Variants in MTRF1 observed in about 807,000 individuals in gnomAD.
MTRF1 encodes mitochondrial translation release factor 1, also known as peptide chain release factor 1, mitochondrial.
MTRF1 carries 51 observed loss-of-function variants against 62.9 expected under a neutral mutation model. The ratio of observed to expected loss-of-function variants is 0.81; its 90% confidence interval spans 0.65 to 1.02. The LOEUF (loss-of-function observed/expected upper bound fraction) is 1.02. MTRF1 is among the 50% of genes least tolerant of loss of function. MTRF1 has a pLI of 0.00. For synonymous variants in MTRF1, 158 were observed against 181.9 expected (o/e 0.87, Z 1.06); for missense variants, 446 against 530.0 (o/e 0.84, Z 1.56).
rs1244272126 is a variant in MTRF1 at position 41,261,017 on chromosome 13, C to T, written c.-8-102G>A. ...CAAGAAATCTTGTTTCATCTACTGC[C>T]TCAGCCAGCTCCACAGTCTTAAAAT... is the stretch of plus-strand genomic sequence containing the variant. On this transcript the variant is annotated intron_variant, in intron 1 of 9. Coordinates refer to ENST00000379480, the MANE Select transcript of MTRF1 (RefSeq NM_004294.4). 4 of 1,075,248 alleles carry T rather than the reference C, an allele frequency of 3.7e-6. No individual in the cohort carries two copies. The East Asian group carries it at 1.0e-4, about 28-fold the overall frequency. 66.6% of individuals were successfully genotyped at this position (1,075,248 alleles called of 1,614,324 possible). A position where few individuals can be genotyped will look rare whatever the true frequency, so the allele number is the denominator to read the frequency against.
the MTRF1 span, among the ~76,000 whole-genome samples, chr13:41,289,133 A>T: frequency 2.0e-4 from 31 of 151,896 alleles, no homozygotes; most frequent in Middle Eastern, 3.4e-3. Flanking sequence ...GCAAAAATTT[A>T]AAAAAAAATA....
At chr13:41,276,059 T>A in the MTRF1 span, among the ~76,000 whole-genome samples, 13 of 152,162 alleles carry the variant, frequency 8.5e-5, no homozygotes, top group Admixed American at 8.5e-4. Context: ...TAAAGGCAGT[T>A]TACATAACAG....
At chr13:41,266,574 A>G (rs1257867759), upstream of MTRF1, among the ~76,000 whole-genome samples, 1 of 152,178 alleles carries the variant, frequency 6.6e-6, no homozygotes, top group African/African-American at 2.4e-5. Flanking sequence ...GTGCCACCTC[A>G]CCCCAGCCTG....
At position 41,226,479 on chromosome 13, in the gene MTRF1, T is replaced by G; in HGVS notation, c.1078A>C (p.Ile360Leu). The change falls in exon 8 of 10, where the codon ATT (isoleucine) becomes CTT (leucine). Residue 360 changes from isoleucine (I) to leucine (L), a missense_variant. Coordinates refer to ENST00000379480, the MANE Select transcript of MTRF1 (RefSeq NM_004294.4). ...TGCTGACGCTTGTCTTTCTCAATAA[T>G]CTGCTGGTAGAGTCTAGCTCTCAAC... ...RVLRARLYQQ[I>L]IEKDKRQQQS... is the part of the protein sequence containing the mutation. The G allele has an allele frequency of 6.2e-7, 1 of 1,613,574 alleles. No homozygotes were observed. The highest frequency in any genetic ancestry group is 1.7e-4 in the Middle Eastern group (1 of 6,056).
chr13:41,264,142 G>C (rs1473497131), upstream of MTRF1, among the ~76,000 whole-genome samples: 1 of 152,096 alleles, frequency 6.6e-6, no homozygotes, highest in Non-Finnish European at 1.5e-5. Flanking sequence ...AAGATTCTGC[G>C]TGTAATTTCT....
the MTRF1 span, among the ~76,000 whole-genome samples, chr13:41,273,284 CCACTG>C: frequency 6.6e-6 from 1 of 151,414 alleles, no homozygotes; most frequent in Non-Finnish European, 1.5e-5. Context: ...CGAGATCGCG[CCACTG>C]CACTCCAGCC....
chr13:41,291,861 G>C, the MTRF1 span, among the ~76,000 whole-genome samples: 1 of 152,026 alleles, frequency 6.6e-6, no homozygotes, highest in South Asian at 2.1e-4. Context: ...GTCTTCCACT[G>C]TCATTGGTAA....
At chr13:41,310,429 C>T in the MTRF1 span, among the ~76,000 whole-genome samples, 3 of 152,134 alleles carry the variant, frequency 2.0e-5, no homozygotes, top group African/African-American at 4.8e-5. Flanking sequence ...CCAGCACTTT[C>T]GGAGGTTGAC....
chr13:41,225,964 C>G (rs2034350468), intron 8 of MTRF1, among the ~76,000 whole-genome samples: 1 of 151,566 alleles, frequency 6.6e-6, no homozygotes, highest in African/African-American at 2.4e-5. Flanking sequence ...CCAAATGGTA[C>G]ATAATGAAAA....
chr13:41,227,957 C>T (rs1387561690), intron 7 of MTRF1, among the ~76,000 whole-genome samples: 4 of 152,202 alleles, frequency 2.6e-5, no homozygotes, highest in Non-Finnish European at 4.4e-5. Context: ...GTTTTCTTGA[C>T]TCTCGTATCC....
At chr13:41,227,887 C>A (rs564535978) in intron 7 of MTRF1, among the ~76,000 whole-genome samples, 5 of 152,224 alleles carry the variant, frequency 3.3e-5, no homozygotes, top group African/African-American at 1.2e-4. Context: ...TGCTTTACTG[C>A]AGCCATCTGG....
At chr13:41,263,138 T>A (rs1049565166) in intron 1 of MTRF1, 1 of 526,944 alleles carries the variant, frequency 1.9e-6, no homozygotes, top group East Asian at 6.9e-5. Flanking sequence ...ATGACAAATA[T>A]ATGTTTGTAC....
intron 7 of MTRF1, among the ~76,000 whole-genome samples, chr13:41,232,385 C>T (rs2035754841): frequency 6.6e-6 from 1 of 151,924 alleles, no homozygotes; most frequent in African/African-American, 2.4e-5. Context: ...TAATATCTAA[C>T]TAATAGAAAT....
chr13:41,248,317 T>C (rs1385197750), intron 5 of MTRF1, among the ~76,000 whole-genome samples: 3 of 152,248 alleles, frequency 2.0e-5, no homozygotes, highest in African/African-American at 7.2e-5. Context: ...AAACGGGGTT[T>C]TGCCATGTTG....
chr13:41,270,703 A>T, the MTRF1 span, among the ~76,000 whole-genome samples: 1 of 151,962 alleles, frequency 6.6e-6, no homozygotes, highest in East Asian at 1.9e-4. Flanking sequence ...ACATAAAACT[A>T]TATAAATTAT....
upstream of MTRF1, among the ~76,000 whole-genome samples, chr13:41,263,832 G>A (rs1359147683): frequency 1.3e-5 from 2 of 152,110 alleles, no homozygotes; most frequent in African/African-American, 2.4e-5. Context: ...GAGGGGCCAA[G>A]GTGGGACTAA....
intron 5 of MTRF1, among the ~76,000 whole-genome samples, chr13:41,241,467 G>A (rs1373425155): frequency 1.3e-5 from 2 of 152,072 alleles, no homozygotes; most frequent in Admixed American, 6.6e-5. Context: ...GAAAAAGAAC[G>A]GTGCTAGTCA....
chr13:41,258,156 T>C (rs1373899048), intron 2 of MTRF1, among the ~76,000 whole-genome samples: 1 of 152,166 alleles, frequency 6.6e-6, no homozygotes, highest in Non-Finnish European at 1.5e-5. Flanking sequence ...ATATCTCCAT[T>C]AAACGTACGT....
Position 41,260,617 on chromosome 13 carries a change from A to G in MTRF1, c.291T>C (p.Pro97=). The stretch of plus-strand genomic sequence containing the variant: ...AGGACCTTCGGTTTTCCTCATTCAC[A>G]GGGATATGCTGCAGACATTGCTCAA... ...QTLEQCLQHI[P]VNEENRRSLN... The change falls in exon 2 of 10, where the codon CCT becomes CCC. Residue 97 remains proline, a synonymous_variant. Coordinates refer to ENST00000379480, the MANE Select transcript of MTRF1 (RefSeq NM_004294.4). 6.2e-7 allele frequency: 1 copy of G among 1,614,108 alleles called. No individual in the cohort carries two copies. Among genetic ancestry groups the G allele is most frequent in the East Asian group, 2.2e-5 (1 of 44,880 alleles).
Sources: gnomAD v4.1 joint callset for allele counts (sites outside exome capture counted in the v4.1 genomes callset) on GRCh38, gnomAD v4.1.1 for gene constraint, MANE v1.5 for transcripts, NCBI Gene and HGNC (gene_info 2026-07-23, HGNC 2026-07-21) for gene names.